The following STXBP6 variants were observed in gnomAD, a reference collection of about 807,000 sequenced individuals.
STXBP6 encodes syntaxin binding protein 6.
Under a neutral mutation model 26.9 loss-of-function variants are expected in STXBP6, and 21 were observed. The observed-to-expected ratio is 0.78, with a 90% CI of 0.55 to 1.12. STXBP6 has a LOEUF of 1.12. STXBP6 is among the 50% of genes most tolerant of loss of function. The probability of loss-of-function intolerance (pLI) is 0.00; values close to 1 mark genes in which losing one functional copy is unlikely to be tolerated. For missense variants in STXBP6, 232 were observed against 257.9 expected, an observed-to-expected ratio of 0.90 and a Z score of 0.69; for synonymous variants, 97 against 92.6, an observed-to-expected ratio of 1.05 and a Z score of -0.27.
chr14:24,970,802 T>C (rs924270395), intron 2 of STXBP6, among the ~76,000 whole-genome samples: 3 of 152,232 alleles, frequency 2.0e-5, no homozygotes, highest in Non-Finnish European at 4.4e-5. Context: ...AAAGCAGTCA[T>C]ATCATTTTTA....
intron 1 of STXBP6, among the ~76,000 whole-genome samples, chr14:25,045,149 G>A (rs1293695550): frequency 6.6e-6 from 1 of 152,088 alleles, no homozygotes; most frequent in East Asian, 1.9e-4. Context: ...ACTCAGTAAT[G>A]GAGTCCTAAA....
intron 1 of STXBP6, among the ~76,000 whole-genome samples, chr14:25,007,701 A>G (rs186206731): frequency 6.6e-6 from 1 of 152,372 alleles, no homozygotes; most frequent in Admixed American, 6.5e-5. Flanking sequence ...GAAGGAATGG[A>G]TGAAATCAAT....
At chr14:24,846,196 G>A (rs564291215) in intron 4 of STXBP6, among the ~76,000 whole-genome samples, 9 of 152,040 alleles carry the variant, frequency 5.9e-5, no homozygotes, top group East Asian at 3.8e-4. Flanking sequence ...TATCTTTCCC[G>A]CAAAATTAAC....
chr14:24,848,439 G>A (rs1298140338), intron 4 of STXBP6, among the ~76,000 whole-genome samples: 19 of 151,986 alleles, frequency 1.3e-4, no homozygotes, highest in Admixed American at 1.2e-3. Context: ...AAATAGGAAC[G>A]GCTCTTATCT....
At chr14:24,911,748 A>G (rs2071583291) in intron 2 of STXBP6, among the ~76,000 whole-genome samples, 1 of 152,326 alleles carries the variant, frequency 6.6e-6, no homozygotes, top group South Asian at 2.1e-4. Flanking sequence ...CCCTTTTCCC[A>G]GCAGCCACAT....
chr14:25,015,345 A>G (rs1215806202), intron 1 of STXBP6, among the ~76,000 whole-genome samples: 1 of 151,900 alleles, frequency 6.6e-6, no homozygotes. Context: ...CCTCTTGTGC[A>G]CTCCTCTATA....
chr14:24,840,284 A>G (rs2068747358), intron 4 of STXBP6, among the ~76,000 whole-genome samples: 1 of 152,216 alleles, frequency 6.6e-6, no homozygotes, highest in Non-Finnish European at 1.5e-5. Context: ...TTTCCAGGCT[A>G]GCTGGCATTC....
intron 1 of STXBP6, among the ~76,000 whole-genome samples, chr14:24,990,138 T>A (rs1039391758): frequency 1.3e-5 from 2 of 152,044 alleles, no homozygotes; most frequent in Non-Finnish European, 2.9e-5. Context: ...GAAGAGGAGA[T>A]CTTTAGAACT....
intron 4 of STXBP6, among the ~76,000 whole-genome samples, chr14:24,844,211 G>GC (rs2068871534): frequency 6.6e-6 from 1 of 152,216 alleles, no homozygotes; most frequent in Admixed American, 6.5e-5. Flanking sequence ...GACAGAAGCC[G>GC]CTATGCTCCG....
chr14:24,879,741 C>A (rs2070286819), intron 2 of STXBP6, among the ~76,000 whole-genome samples: 1 of 152,092 alleles, frequency 6.6e-6, no homozygotes, highest in Non-Finnish European at 1.5e-5. Context: ...GCTCCAGGCA[C>A]TCTTTTTACA....
At chr14:24,880,319 A>G (rs2070309659) in intron 2 of STXBP6, among the ~76,000 whole-genome samples, 1 of 152,208 alleles carries the variant, frequency 6.6e-6, no homozygotes, top group South Asian at 2.1e-4. Context: ...TAGGCACAGG[A>G]GCAAAGATTG....
chr14:24,954,491 A>C (rs1462695195), intron 2 of STXBP6, among the ~76,000 whole-genome samples: 1 of 152,140 alleles, frequency 6.6e-6, no homozygotes, highest in Non-Finnish European at 1.5e-5. Flanking sequence ...TATACAGCGG[A>C]ATCTTTACTA....
chr14:24,890,670 G>A (rs555473206), intron 2 of STXBP6, among the ~76,000 whole-genome samples: 9 of 152,264 alleles, frequency 5.9e-5, no homozygotes, highest in South Asian at 2.1e-4. Context: ...GGAAATTAGC[G>A]TCCTTTTGGA....
intron 4 of STXBP6, among the ~76,000 whole-genome samples, chr14:24,822,994 TA>T (rs2068181603): frequency 1.3e-5 from 2 of 152,178 alleles, no homozygotes; most frequent in African/African-American, 4.8e-5. Flanking sequence ...AACAGCATAG[TA>T]ATTCTTTCTA....
At chr14:25,032,887 A>G (rs1248506692) in intron 1 of STXBP6, among the ~76,000 whole-genome samples, 1 of 152,178 alleles carries the variant, frequency 6.6e-6, no homozygotes, top group Non-Finnish European at 1.5e-5. Flanking sequence ...TGCTTCCTGA[A>G]AATTGCAGGC....
intron 2 of STXBP6, among the ~76,000 whole-genome samples, chr14:24,857,503 G>C (rs1015904114): frequency 6.6e-6 from 1 of 152,038 alleles, no homozygotes; most frequent in African/African-American, 2.4e-5. Flanking sequence ...TGCAGGAAAA[G>C]AAGCATATAG....
rs114624759 is a variant in STXBP6, at chr14:24,941,982, C to T, written c.154+32683G>A. Reference sequence around the variant, plus strand: ...ACCAGTTCCCCCTCAGCAAGTCTCTCTAGGTGATGTGTTTACTTCAATTCT... The same window carrying T: ...ACCAGTTCCCCCTCAGCAAGTCTCTTTAGGTGATGTGTTTACTTCAATTCT... On this transcript the variant is annotated intron_variant, in intron 2 of 5. Coordinates refer to ENST00000323944, the MANE Select transcript of STXBP6 (RefSeq NM_001394410.1). 6.6e-3 allele frequency among the ~76,000 whole-genome samples: 1,010 copies of T among 152,318 alleles called. 16 individuals are homozygous for T. Among genetic ancestry groups the T allele is most frequent in the African/African-American group, 0.023 (974 of 41,570 alleles).
chr14:25,002,742 G>C (rs886441220), intron 1 of STXBP6, among the ~76,000 whole-genome samples: 3 of 151,658 alleles, frequency 2.0e-5, no homozygotes. Context: ...CAACAAGTCA[G>C]CACTGAAATG....
At chr14:25,003,136 G>C (rs1368086336) in intron 1 of STXBP6, among the ~76,000 whole-genome samples, 2 of 152,184 alleles carry the variant, frequency 1.3e-5, no homozygotes, top group East Asian at 3.8e-4. Flanking sequence ...AGCAAGAACA[G>C]CAAGATCAGA....
Sources: allele counts gnomAD v4.1 joint callset (sites outside exome capture counted in the v4.1 genomes callset), GRCh38; gene constraint gnomAD v4.1.1; transcripts MANE v1.5; gene names NCBI Gene and HGNC (gene_info 2026-07-23, HGNC 2026-07-21).